CCDC85A: variants seen among roughly 807,000 people sequenced by gnomAD.
CCDC85A encodes the protein coiled-coil domain-containing protein 85A.
CCDC85A carries 38 observed loss-of-function variants against 50.2 expected under a neutral mutation model. That is an observed-to-expected ratio of 0.76 (90% confidence interval 0.58 to 0.99). The LOEUF is 0.99. CCDC85A is among the 50% of genes least tolerant of loss of function. The pLI is 0.00. For missense variants in CCDC85A, 820 were observed against 742.0 expected, an observed-to-expected ratio of 1.11 and a Z score of -1.22; for synonymous variants, 366 against 301.4, an observed-to-expected ratio of 1.21 and a Z score of -2.22.
chr2:56,234,172 T>C (rs1445324399), intron 2 of CCDC85A, among the ~76,000 whole-genome samples: 1 of 152,204 alleles, frequency 6.6e-6, no homozygotes, highest in Non-Finnish European at 1.5e-5. Flanking sequence ...ACTGCTTTCA[T>C]TAGGGAGTGA....
intron 2 of CCDC85A, among the ~76,000 whole-genome samples, chr2:56,278,334 T>A (rs1671054110): frequency 6.6e-6 from 1 of 152,158 alleles, no homozygotes. Flanking sequence ...TTTTATTTAT[T>A]CTTCATTATA....
chr2:56,299,621 G>A (rs1042362638), intron 2 of CCDC85A, among the ~76,000 whole-genome samples: 2 of 152,140 alleles, frequency 1.3e-5, no homozygotes, highest in African/African-American at 4.8e-5. Context: ...GTTACAGTCT[G>A]TCTGACTCAG....
intron 1 of CCDC85A, among the ~76,000 whole-genome samples, chr2:56,191,257 G>T (rs762972746): frequency 6.6e-6 from 1 of 151,782 alleles, no homozygotes; most frequent in Non-Finnish European, 1.5e-5. Context: ...ACTGCATGAC[G>T]TTATGCTCTA....
At chr2:56,230,557 A>G (rs966329451) in intron 2 of CCDC85A, among the ~76,000 whole-genome samples, 1 of 152,226 alleles carries the variant, frequency 6.6e-6, no homozygotes, top group Admixed American at 6.5e-5. Context: ...TAAAAATGTA[A>G]ATTGAATGCT....
intron 2 of CCDC85A, among the ~76,000 whole-genome samples, chr2:56,290,037 G>C (rs891864574): frequency 1.3e-5 from 2 of 152,114 alleles, no homozygotes; most frequent in African/African-American, 4.8e-5. Context: ...TCCTGCTATT[G>C]TCTGGTTCTG....
In CCDC85A at chr2:56,382,317, A is replaced by G. The variant is rs193042832; in HGVS notation, c.1573-1949A>G. Reference sequence around the variant, plus strand: ...ATATGAGATGGGTTATAAGACTCAGATAGAACTTGGGACCACAGAAGTTTT... The same window carrying G: ...ATATGAGATGGGTTATAAGACTCAGGTAGAACTTGGGACCACAGAAGTTTT... On this transcript the variant is annotated intron_variant, in intron 5 of 5. Transcript: ENST00000407595. 3.9e-4 allele frequency among the ~76,000 whole-genome samples: 59 copies of G among 152,120 alleles called. 1 individual carries two copies. The highest frequency in any genetic ancestry group is 1.2e-3 in the African/African-American group (49 of 41,558).
Position 56,184,846 on chromosome 2 carries a change from C to T in CCDC85A, c.222C>T (p.Ile74=). 1.3e-6 allele frequency: 2 copies of T among 1,540,276 alleles called. No homozygotes were observed. The highest frequency in any genetic ancestry group is 1.7e-6 in the Non-Finnish European group (2 of 1,144,558). ...CGATGCTGGACCACAGCAACCTCAT[C>T]CGCGAGGTGAACCGCCGCCTGCAGC... ...VSAMLDHSNL[I]REVNRRLQLH... is the part of the protein sequence containing the mutation. Residue 74 remains isoleucine, a synonymous_variant, in exon 1 of 6, where the codon ATC becomes ATT. Coordinates refer to ENST00000407595, the MANE Select transcript of CCDC85A (RefSeq NM_001080433.2).
At chr2:56,351,225 G>A (rs1674916890) in intron 3 of CCDC85A, among the ~76,000 whole-genome samples, 1 of 151,928 alleles carries the variant, frequency 6.6e-6, no homozygotes, top group Admixed American at 6.6e-5. Flanking sequence ...GTGTATATAT[G>A]CCACATTTTC....
intron 2 of CCDC85A, among the ~76,000 whole-genome samples, chr2:56,214,713 C>G (rs903943484): frequency 1.4e-4 from 22 of 151,884 alleles, no homozygotes; most frequent in Middle Eastern, 3.2e-3. Context: ...TTTCTGAGCT[C>G]TGTGTCCTAT....
At chr2:56,367,044 C>T (rs947136583) in intron 3 of CCDC85A, among the ~76,000 whole-genome samples, 19 of 152,148 alleles carry the variant, frequency 1.2e-4, no homozygotes, top group Admixed American at 4.6e-4. Flanking sequence ...AAGTTAAGTG[C>T]AGAATCTTTG....
intron 2 of CCDC85A, among the ~76,000 whole-genome samples, chr2:56,317,462 G>C (rs1247501700): frequency 6.6e-6 from 1 of 151,966 alleles, no homozygotes; most frequent in Non-Finnish European, 1.5e-5. Context: ...TATGAACTAA[G>C]GCTGTCTCTC....
intron 2 of CCDC85A, among the ~76,000 whole-genome samples, chr2:56,219,538 C>A (rs557132856): frequency 6.6e-6 from 1 of 151,668 alleles, no homozygotes; most frequent in Non-Finnish European, 1.5e-5. Flanking sequence ...CTTTCCTTTG[C>A]GTTCCAACTA....
intron 3 of CCDC85A, among the ~76,000 whole-genome samples, chr2:56,357,800 A>T (rs926339321): frequency 3.3e-5 from 5 of 151,980 alleles, no homozygotes; most frequent in Non-Finnish European, 7.4e-5. Flanking sequence ...GTTGGATCTG[A>T]CTCAGGTTAC....
chr2:56,356,074 A>C (rs1341484040), intron 3 of CCDC85A, among the ~76,000 whole-genome samples: 3 of 152,242 alleles, frequency 2.0e-5, no homozygotes, highest in Non-Finnish European at 2.9e-5. Context: ...GATGAAATTT[A>C]ATATCTATAA....
intron 2 of CCDC85A, among the ~76,000 whole-genome samples, chr2:56,328,541 C>T (rs938608433): frequency 6.6e-6 from 1 of 152,148 alleles, no homozygotes; most frequent in Non-Finnish European, 1.5e-5. Context: ...CTCTGAGCTC[C>T]AGACCCACCT....
intron 2 of CCDC85A, among the ~76,000 whole-genome samples, chr2:56,313,143 C>A (rs1302103004): frequency 6.6e-6 from 1 of 152,090 alleles, no homozygotes; most frequent in Admixed American, 6.6e-5. Context: ...ACATTCATGG[C>A]TGTTACTCTT....
chr2:56,317,669 T>C (rs1436484663), intron 2 of CCDC85A, among the ~76,000 whole-genome samples: 1 of 152,138 alleles, frequency 6.6e-6, no homozygotes, highest in Admixed American at 6.6e-5. Context: ...ATTATTTTGA[T>C]TGATGCCCTT....
At chr2:56,288,082 A>AT (rs1186867339) in intron 2 of CCDC85A, among the ~76,000 whole-genome samples, 1 of 152,126 alleles carries the variant, frequency 6.6e-6, no homozygotes, top group Non-Finnish European at 1.5e-5. Context: ...TCTTGGGATG[A>AT]TTGACAGTTT....
intron 2 of CCDC85A, among the ~76,000 whole-genome samples, chr2:56,282,977 T>G (rs1468237322): frequency 6.6e-6 from 1 of 152,210 alleles, no homozygotes; most frequent in East Asian, 1.9e-4. Flanking sequence ...TATATAGAAA[T>G]ACACAGTTGA....
Sources: gnomAD v4.1 joint callset for allele counts (sites outside exome capture counted in the v4.1 genomes callset) on GRCh38, gnomAD v4.1.1 for gene constraint, MANE v1.5 for transcripts, NCBI Gene and HGNC (gene_info 2026-07-23, HGNC 2026-07-21) for gene names.